Variants in CYP20A1 observed in about 807,000 individuals in gnomAD.
CYP20A1 encodes the protein cytochrome P450 family 20 subfamily A member 1.
In CYP20A1, 61 loss-of-function variants were observed where a neutral mutation model predicts 61.4. The ratio of observed to expected loss-of-function variants is 0.99; its 90% CI spans 0.81 to 1.23. CYP20A1 has a LOEUF of 1.23. Ranked by LOEUF, CYP20A1 falls within the 50% of genes most tolerant of loss-of-function variation. The probability of loss-of-function intolerance (pLI) is 0.00; values close to 1 mark genes in which losing one functional copy is unlikely to be tolerated. For synonymous variants in CYP20A1, 193 were observed against 188.2 expected (o/e 1.03, Z -0.21); for missense variants, 530 against 542.4 (o/e 0.98, Z 0.23).
At chr2:203,284,223 T>A (rs1202428931) in intron 8 of CYP20A1, among the ~76,000 whole-genome samples, 2 of 152,136 alleles carry the variant, frequency 1.3e-5, no homozygotes, top group Admixed American at 1.3e-4. Context: ...TTGAGATAAG[T>A]TTAAGTTAAC....
chr2:203,257,744 G>A (rs1050111943), intron 4 of CYP20A1, among the ~76,000 whole-genome samples: 7 of 151,550 alleles, frequency 4.6e-5, no homozygotes, highest in Non-Finnish European at 1.0e-4. Context: ...AGCTGAGATC[G>A]CTCCACTGCA....
intron 6 of CYP20A1, 127 bp from the exon 7 acceptor site, chr2:203,278,446 T>C: frequency 4.1e-6 from 2 of 482,714 alleles, no homozygotes; most frequent in Non-Finnish European, 7.4e-6. Flanking sequence ...ATAAATTAGC[T>C]TTCTTTGTTG....
chr2:203,278,737 A>ATTGTGCCTGGCTCT, intron 7 of CYP20A1, 49 bp downstream of exon 7: 14 of 1,004,312 alleles, frequency 1.4e-5, no homozygotes, highest in Non-Finnish European at 2.1e-5. Flanking sequence ...AGCCAGAGCC[A>ATTGTGCCTGGCTCT]GGCACAATGG....
intron 4 of CYP20A1, among the ~76,000 whole-genome samples, chr2:203,257,388 T>C (rs1026976904): frequency 1.3e-5 from 2 of 152,214 alleles, no homozygotes; most frequent in Non-Finnish European, 2.9e-5. Context: ...TAACTTTGTT[T>C]ATTCTTCCTA....
chr2:203,257,508 T>G (rs1206901973), intron 4 of CYP20A1, among the ~76,000 whole-genome samples: 2 of 151,992 alleles, frequency 1.3e-5, no homozygotes, highest in African/African-American at 4.8e-5. Context: ...ATTTTTTTTT[T>G]GCCGGTCTCA....
At chr2:203,272,634 A>G in intron 5 of CYP20A1, 36 bp from the exon 6 acceptor site, 1 of 1,367,498 alleles carries the variant, frequency 7.3e-7, no homozygotes, top group Non-Finnish European at 1.0e-6. Flanking sequence ...AATTCTACCT[A>G]TTAGATAATA....
intron 5 of CYP20A1, among the ~76,000 whole-genome samples, chr2:203,270,556 T>C (rs1471130105): frequency 2.0e-5 from 3 of 152,050 alleles, no homozygotes; most frequent in Admixed American, 1.3e-4. Context: ...CATTTCCTTT[T>C]ACATTTATTT....
chr2:203,287,215 C>CAAAAA (rs1168549640), intron 9 of CYP20A1, among the ~76,000 whole-genome samples: 545 of 45,368 alleles, frequency 0.012, no homozygotes, highest in African/African-American at 0.019. Flanking sequence ...GACCCTATCT[C>CAAAAA]AAAAAAAAAA....
chr2:203,295,134 T>C (rs2068734034), intron 11 of CYP20A1, among the ~76,000 whole-genome samples: 1 of 150,978 alleles, frequency 6.6e-6, no homozygotes, highest in Non-Finnish European at 1.5e-5. Context: ...TTTTTTTGTA[T>C]TTTTAGTAGA....
rs147780186 is a variant in CYP20A1 at position 203,287,160 on chromosome 2, A to C, written c.971+1428A>C. ...CCTGAGCCCAGGAAGTCCAGGCTGG[A>C]GTGAGCTACGATCACACCACTACAC... On this transcript the variant is annotated intron_variant, in intron 9 of 12. Coordinates refer to ENST00000356079, the MANE Select transcript of CYP20A1 (RefSeq NM_177538.3). Among the ~76,000 whole-genome samples the C allele has an allele frequency of 6.1e-3, 817 of 134,286 alleles. 6 individuals are homozygous for C. The highest frequency in any genetic ancestry group is 9.7e-3 in the Non-Finnish European group (620 of 64,122). The allele number at this position is 134,286 out of a possible 152,430, so 88.1% of individuals were successfully genotyped here.
At chr2:203,254,871 G>C (rs1031778063) in intron 4 of CYP20A1, among the ~76,000 whole-genome samples, 3 of 151,830 alleles carry the variant, frequency 2.0e-5, no homozygotes, top group African/African-American at 7.3e-5. Context: ...CGTGTCTGTA[G>C]TCCCAGCTAC....
intron 11 of CYP20A1, among the ~76,000 whole-genome samples, chr2:203,296,207 T>C (rs2068790240): frequency 6.6e-6 from 1 of 152,172 alleles, no homozygotes; most frequent in Non-Finnish European, 1.5e-5. Flanking sequence ...GAGGCTGCAG[T>C]GAGCCTTGAT....
At chr2:203,258,003 G>GTGCAGTGGCACAATTATAGCTCAGT in intron 4 of CYP20A1, among the ~76,000 whole-genome samples, 3 of 151,448 alleles carry the variant, frequency 2.0e-5, no homozygotes, top group Admixed American at 1.3e-4. Flanking sequence ...CTGGGCTGAA[G>GTGCAGTGGCACAATTATAGCTCAGT]GGATCCTCCT....
At chr2:203,282,035 CTTT>C (rs113768629) in intron 8 of CYP20A1, among the ~76,000 whole-genome samples, 3 of 116,406 alleles carry the variant, frequency 2.6e-5, no homozygotes, top group Non-Finnish European at 5.2e-5. Context: ...TGTATTCAAC[CTTT>C]TTTTTTTTTT....
chr2:203,296,368 A>G (rs2068795310), intron 11 of CYP20A1, 106 bp from the exon 12 acceptor site: 3 of 621,684 alleles, frequency 4.8e-6, no homozygotes, highest in African/African-American at 1.9e-5. Context: ...AGCACTTTCT[A>G]TTTTCAGTTG....
rs757097272 is a variant in CYP20A1 at position 203,300,358 on chromosome 2, CAGTA to C, written c.*3453_*3456del. 5.9e-5 allele frequency among the ~76,000 whole-genome samples: 9 copies of C among 152,142 alleles called. No individual in the cohort carries two copies. Among genetic ancestry groups the C allele is most frequent in the Admixed American group, 2.0e-4 (3 of 15,256 alleles). ...GTTATTCATTCACTGTTTTTCTTCACAGTAAGAATGACAAAAATCTGTGTTCTTT... is the reference window on the plus strand; with the variant it reads ...GTTATTCATTCACTGTTTTTCTTCACAGAATGACAAAAATCTGTGTTCTTT... On this transcript the variant is annotated 3_prime_UTR_variant, in exon 13 of 13. Transcript: ENST00000356079.
chr2:203,261,854 A>G (rs2067150108), intron 4 of CYP20A1, among the ~76,000 whole-genome samples: 1 of 151,872 alleles, frequency 6.6e-6, no homozygotes, highest in African/African-American at 2.4e-5. Context: ...GGTGGTGGGG[A>G]AAGCTGTTCG....
intron 8 of CYP20A1, among the ~76,000 whole-genome samples, chr2:203,281,127 A>T (rs531238294): frequency 6.6e-6 from 1 of 152,224 alleles, no homozygotes; most frequent in African/African-American, 2.4e-5. Flanking sequence ...TGGTTTTTAG[A>T]TTGGTGGAGT....
intron 1 of CYP20A1, among the ~76,000 whole-genome samples, chr2:203,244,238 G>C (rs996008787): frequency 2.0e-5 from 3 of 151,972 alleles, no homozygotes; most frequent in Admixed American, 2.0e-4. Context: ...GTCTGACTCT[G>C]TCATCCAGGC....
Sources: gnomAD v4.1 joint callset for allele counts (sites outside exome capture counted in the v4.1 genomes callset) on GRCh38, gnomAD v4.1.1 for gene constraint, MANE v1.5 for transcripts, NCBI Gene and HGNC (gene_info 2026-07-23, HGNC 2026-07-21) for gene names.